Variants in CNBP observed in about 807,000 individuals in gnomAD.
CNBP encodes cellular nucleic acid-binding protein.
Under a neutral mutation model 21.2 loss-of-function variants are expected in CNBP, and 6 were observed. The observed-to-expected ratio is 0.28, with a 90% CI of 0.16 to 0.56. The LOEUF is 0.56. Among genes scored for constraint, CNBP ranks in the 20% least tolerant of loss-of-function variants. CNBP has a pLI of 0.93. For synonymous variants in CNBP, 61 were observed against 74.9 expected (o/e 0.81, Z 0.96); for missense variants, 112 against 233.1 (o/e 0.48, Z 3.38).
At position 129,169,945 on chromosome 3, in the gene CNBP, G is replaced by C; in HGVS notation, c.*508C>G. 1 of 231,578 alleles carries C rather than the reference G, an allele frequency of 4.3e-6. No homozygotes were observed. The highest frequency in any genetic ancestry group is 6.2e-5 in the East Asian group (1 of 16,056). The allele number at this position is 231,578 out of a possible 1,614,324, so 14.3% of individuals were successfully genotyped here. On this transcript the variant is annotated 3_prime_UTR_variant, in exon 5 of 5. Transcript: ENST00000422453. ...ATTTCTCTCGAACAGCCATTAACAC[G>C]CATGTTTATCTTTTTGTTTACTCCC...
intron 1 of CNBP, among the ~76,000 whole-genome samples, chr3:129,182,008 T>C (rs1938332975): frequency 6.6e-6 from 1 of 151,810 alleles, no homozygotes; most frequent in Non-Finnish European, 1.5e-5. Context: ...AGTAACTCAT[T>C]AGAAGCATTT....
intron 1 of CNBP, among the ~76,000 whole-genome samples, chr3:129,173,155 G>C (rs1259616783): frequency 6.6e-6 from 1 of 152,170 alleles, no homozygotes; most frequent in Non-Finnish European, 1.5e-5. Flanking sequence ...TGAACATGCA[G>C]ACTTTTCTTG....
At chr3:129,181,554 G>A (rs909904639) in intron 1 of CNBP, among the ~76,000 whole-genome samples, 9 of 146,826 alleles carry the variant, frequency 6.1e-5, no homozygotes, top group Non-Finnish European at 6.0e-5. Flanking sequence ...CGGAGGCTGA[G>A]GCAGGAGAAT....
At chr3:129,177,854 C>T (rs975461100) in intron 1 of CNBP, among the ~76,000 whole-genome samples, 8 of 152,086 alleles carry the variant, frequency 5.3e-5, no homozygotes, top group Admixed American at 3.3e-4. Context: ...GAAGAAATGA[C>T]TAAGATAGTC....
At chr3:129,172,642 AGG>A (rs1560034824) in intron 1 of CNBP, among the ~76,000 whole-genome samples, 4 of 65,368 alleles carry the variant, frequency 6.1e-5, no homozygotes, top group Admixed American at 3.1e-4. Context: ...GCAGGCAGGC[AGG>A]CAGGCAGGCA....
rs56241910 is a variant in CNBP at position 129,172,640 on chromosome 3, G to C, written c.-14-869C>G. Among the ~76,000 whole-genome samples the C allele has an allele frequency of 4.9e-4, 17 of 34,358 alleles. 1 individual carries two copies. The highest frequency in any genetic ancestry group is 9.8e-4 in the African/African-American group (15 of 15,324). The allele number at this position is 34,358 out of a possible 152,430, so 22.5% of individuals were successfully genotyped here. On this transcript the variant is annotated intron_variant, in intron 1 of 4. Coordinates refer to ENST00000422453, the MANE Select transcript of CNBP (RefSeq NM_003418.5). ...GACAGGCAGCCAGGCAGGCAGGCAG[G>C]CAGGCAGGCAGGCAGGCAGACAGAC...
At position 129,172,664 on chromosome 3, in the gene CNBP, A is replaced by G. The variant is rs183557141; in HGVS notation, c.-14-893T>C. 6.7e-3 allele frequency among the ~76,000 whole-genome samples: 774 copies of G among 114,696 alleles called. 20 individuals carry two copies. Among genetic ancestry groups the G allele is most frequent in the African/African-American group, 0.022 (671 of 30,092 alleles). The allele number at this position is 114,696 out of a possible 152,430, so 75.2% of individuals were successfully genotyped here. A position where few individuals can be genotyped will look rare whatever the true frequency, so the allele number is the denominator to read the frequency against. On this transcript the variant is annotated intron_variant, in intron 1 of 4. Transcript: ENST00000422453. ...GGCAGGCAGGCAGGCAGGCAGACAG[A>G]CAGACAGACAGACAGACAGACAGAC... is the stretch of plus-strand genomic sequence containing the variant.
Position 129,170,193 on chromosome 3 carries a change from C to A in CNBP, c.*260G>T. ...GACTCAACTCTTCCCATTCATCAAT[C>A]CCTATTCACCAGTGGCACGGAAAGG... On this transcript the variant is annotated 3_prime_UTR_variant, in exon 5 of 5. Coordinates refer to ENST00000422453, the MANE Select transcript of CNBP (RefSeq NM_003418.5). 1 of 420,120 alleles carries A rather than the reference C, an allele frequency of 2.4e-6. No homozygotes were observed. 26.0% of individuals were successfully genotyped at this position (420,120 alleles called of 1,614,324 possible). A position where few individuals can be genotyped will look rare whatever the true frequency, so the allele number is the denominator to read the frequency against.
At chr3:129,176,619 CAA>C (rs2107642156) in intron 1 of CNBP, among the ~76,000 whole-genome samples, 1 of 152,276 alleles carries the variant, frequency 6.6e-6, no homozygotes, top group African/African-American at 2.4e-5. Flanking sequence ...CTATCAGTCA[CAA>C]GAGTTACTGC....
At chr3:129,178,357 ATATAG>A (rs1008598469) in intron 1 of CNBP, among the ~76,000 whole-genome samples, 45 of 152,156 alleles carry the variant, frequency 3.0e-4, no homozygotes, top group Admixed American at 2.0e-4. Flanking sequence ...CTAAAAACAA[ATATAG>A]TAAACTACTA....
In CNBP at chr3:129,171,214, C is replaced by T. The variant is rs1937561333; in HGVS notation, c.281G>A (p.Arg94Gln). 1 of 1,614,144 alleles carries T rather than the reference C, an allele frequency of 6.2e-7. No individual in the cohort carries two copies. The highest frequency in any genetic ancestry group is 1.7e-5 in the Admixed American group (1 of 60,012). The change falls in exon 4 of 5, where the codon CGA becomes CAA. Residue 94 changes from arginine to glutamine, a missense_variant. Arg to Gln is a conservative substitution (Grantham distance 43). Coordinates refer to ENST00000422453, the MANE Select transcript of CNBP (RefSeq NM_003418.5). ...AKDCKEPKRE[R>Q]EQCCYNCGKP... ...GCCACAGTTGTAGCAGCATTGCTCT[C>T]GCTCTCTCTTGGGCTCCTTGCAGTC...
chr3:129,171,534 G>T lies in CNBP; in HGVS notation c.129C>A (p.Phe43Leu). The T allele has an allele frequency of 6.2e-7, 1 of 1,614,056 alleles. No individual in the cohort carries two copies. The highest frequency in any genetic ancestry group is 8.5e-7 in the Non-Finnish European group (1 of 1,179,908). Residue 43 changes from phenylalanine to leucine, a missense_variant, in exon 3 of 5, where the codon TTC (phenylalanine) becomes TTA (leucine). Transcript: ENST00000422453. Reference protein sequence around the residue: ...GRGGFTSDRGFQFVSSSLPDI... With the variant: ...GRGGFTSDRGLQFVSSSLPDI... The stretch of plus-strand genomic sequence containing the variant: ...CTGGAAGAGACGAGGAAACAAACTG[G>T]AAACCTGTTTTGAGCAAAAACAAAG...
intron 1 of CNBP, among the ~76,000 whole-genome samples, chr3:129,173,177 T>C (rs917813440): frequency 2.6e-5 from 4 of 152,238 alleles, no homozygotes; most frequent in African/African-American, 7.2e-5. Context: ...CATTATTCCC[T>C]AAACAATACA....
At position 129,177,946 on chromosome 3, in the gene CNBP, G is replaced by C. The variant is rs183567253; in HGVS notation, c.-15+5830C>G. Among the ~76,000 whole-genome samples the C allele has an allele frequency of 1.0e-3, 155 of 152,194 alleles. 1 individual carries two copies. In the East Asian group the frequency reaches 0.014, roughly 13 times the overall value. On this transcript the variant is annotated intron_variant, in intron 1 of 4. Transcript: ENST00000422453. ...AGGCCGAGGCAGATGCATCACCTGA[G>C]GTCAGGAGTTCGAGACCAGCTAGCC... is the stretch of plus-strand genomic sequence containing the variant.
intron 1 of CNBP, among the ~76,000 whole-genome samples, chr3:129,182,588 T>C (rs1408585622): frequency 6.6e-6 from 1 of 152,216 alleles, no homozygotes; most frequent in Non-Finnish European, 1.5e-5. Flanking sequence ...GGAGGGGAGC[T>C]AGTTGAATTT....
chr3:129,182,244 T>A (rs1000887652), intron 1 of CNBP, among the ~76,000 whole-genome samples: 2 of 152,136 alleles, frequency 1.3e-5, no homozygotes, highest in African/African-American at 2.4e-5. Flanking sequence ...AAATGTAATT[T>A]AAAAGCAAGA....
intron 1 of CNBP, 110 bp from the exon 2 acceptor site, chr3:129,171,881 A>G: frequency 5.8e-6 from 7 of 1,213,990 alleles, no homozygotes; most frequent in Non-Finnish European, 6.8e-6. Flanking sequence ...GCTAGCTAAT[A>G]TATTGGTTAA....
At position 129,179,871 on chromosome 3, in the gene CNBP, T is replaced by C. The variant is rs368151102; in HGVS notation, c.-15+3905A>G. 2.6e-5 allele frequency among the ~76,000 whole-genome samples: 4 copies of C among 152,062 alleles called. No individual in the cohort carries two copies. In the East Asian group the frequency reaches 7.7e-4, roughly 29 times the overall value. On this transcript the variant is annotated intron_variant, in intron 1 of 4. Transcript: ENST00000422453. The stretch of plus-strand genomic sequence containing the variant: ...AAAAACAAAAATTAGCCGGGCGTGG[T>C]GGCACACGCCTATAGTCCCAGCTAC...
At chr3:129,177,326 T>C (rs1468782091) in intron 1 of CNBP, among the ~76,000 whole-genome samples, 1 of 152,178 alleles carries the variant, frequency 6.6e-6, no homozygotes, top group Non-Finnish European at 1.5e-5. Context: ...TGCCTGACAC[T>C]GTAAGAGATT....
Sources: allele counts gnomAD v4.1 joint callset (sites outside exome capture counted in the v4.1 genomes callset), GRCh38; gene constraint gnomAD v4.1.1; transcripts MANE v1.5; gene names NCBI Gene and HGNC (gene_info 2026-07-23, HGNC 2026-07-21).